The following MCMBP variants were observed in gnomAD, a reference collection of about 807,000 sequenced individuals.
The protein encoded by MCMBP is mini-chromosome maintenance complex-binding protein.
MCMBP carries 31 observed loss-of-function variants against 81.3 expected under a neutral mutation model. That is an observed-to-expected ratio of 0.38 (90% CI 0.29 to 0.51). MCMBP has a LOEUF of 0.51. MCMBP is among the 20% of genes least tolerant of loss of function. MCMBP has a pLI of 0.87. For missense variants in MCMBP, 645 were observed against 772.1 expected (o/e 0.84, Z 1.95); for synonymous variants, 267 against 275.9 (o/e 0.97, Z 0.32).
At chr10:119,864,564 G>C (rs1239422800) in intron 1 of MCMBP, among the ~76,000 whole-genome samples, 3 of 138,332 alleles carry the variant, frequency 2.2e-5, no homozygotes, top group African/African-American at 7.5e-5. Flanking sequence ...AGTATGGCTA[G>C]AGGTTTACAA....
At chr10:119,863,869 T>C (rs1043881625) in intron 1 of MCMBP, among the ~76,000 whole-genome samples, 3 of 151,604 alleles carry the variant, frequency 2.0e-5, no homozygotes, top group African/African-American at 7.3e-5. Context: ...TTGGATAGTT[T>C]GTGGCTGTGA....
In MCMBP at chr10:119,843,121, G is replaced by T. The variant is rs551641627; in HGVS notation, c.1000+133C>A. ...AAGAGAAAAATGGGGCAACGAGAGA[G>T]AGATTACTGAAAACACTTATTGTGA... On this transcript the variant is annotated intron_variant, in intron 9 of 15. Coordinates refer to ENST00000369077, the MANE Select transcript of MCMBP (RefSeq NM_001256378.2). 1.5e-5 allele frequency: 15 copies of T among 983,090 alleles called. No homozygotes were observed. The South Asian group carries it at 2.0e-4, about 13-fold the overall frequency. 60.9% of individuals were successfully genotyped at this position (983,090 alleles called of 1,614,324 possible). A position where few individuals can be genotyped will look rare whatever the true frequency, so the allele number is the denominator to read the frequency against.
At chr10:119,872,184 G>C (rs1853701801) in intron 1 of MCMBP, among the ~76,000 whole-genome samples, 1 of 152,136 alleles carries the variant, frequency 6.6e-6, no homozygotes, top group Non-Finnish European at 1.5e-5. Context: ...GGACCTCCGA[G>C]TTTGCTGCGC....
At chr10:119,863,661 G>A (rs528848850) in intron 1 of MCMBP, among the ~76,000 whole-genome samples, 3 of 130,864 alleles carry the variant, frequency 2.3e-5, no homozygotes, top group African/African-American at 5.8e-5. Flanking sequence ...CCCAGGAGGC[G>A]GAGGTTTCAG....
rs191224070 is a variant in MCMBP, at chr10:119,867,473, C to T, written c.58+5054G>A. 1.5e-4 allele frequency among the ~76,000 whole-genome samples: 23 copies of T among 152,094 alleles called. No individual in the cohort carries two copies. The East Asian group carries it at 3.9e-3, about 26-fold the overall frequency. ...CGGAGCTATTCTTCTTCTTTGAGAACGCCCCCAATGTTGAGGTGTGGATAA... is the reference window on the plus strand; with the variant it reads ...CGGAGCTATTCTTCTTCTTTGAGAATGCCCCCAATGTTGAGGTGTGGATAA... On this transcript the variant is annotated intron_variant, in intron 1 of 15. Transcript: ENST00000369077.
At chr10:119,853,372 G>A (rs969643893) in intron 5 of MCMBP, among the ~76,000 whole-genome samples, 178 bp from the exon 6 acceptor site, 3 of 152,208 alleles carry the variant, frequency 2.0e-5, no homozygotes, top group Admixed American at 2.0e-4. Context: ...TCAACCTTAT[G>A]CTGCTATCCT....
intron 1 of MCMBP, among the ~76,000 whole-genome samples, chr10:119,872,269 G>A (rs1407936313): frequency 2.0e-5 from 3 of 151,790 alleles, no homozygotes; most frequent in Non-Finnish European, 2.9e-5. Context: ...CACAGCCCGC[G>A]CCCCACGACT....
At chr10:119,866,608 A>G (rs1853464888) in intron 1 of MCMBP, among the ~76,000 whole-genome samples, 1 of 152,180 alleles carries the variant, frequency 6.6e-6, no homozygotes, top group Non-Finnish European at 1.5e-5. Context: ...CCTGGGCAAC[A>G]GAGTGAGACT....
rs531767116 is a variant in MCMBP, at chr10:119,871,553, T to C, written c.58+974A>G. Reference sequence around the variant, plus strand: ...GCACTAGAGGCCCTCCTATAAGAAATACCATACATTGTTTGCCGTCGATTT... The same window carrying C: ...GCACTAGAGGCCCTCCTATAAGAAACACCATACATTGTTTGCCGTCGATTT... On this transcript the variant is annotated intron_variant, in intron 1 of 15. Coordinates refer to ENST00000369077, the MANE Select transcript of MCMBP (RefSeq NM_001256378.2). Among the ~76,000 whole-genome samples the C allele has an allele frequency of 4.6e-5, 7 of 152,262 alleles. No homozygotes were observed. The South Asian group carries it at 1.5e-3, about 32-fold the overall frequency.
In MCMBP at chr10:119,830,408, G is replaced by C. The variant is rs796665366; in HGVS notation, c.*1066C>G. On this transcript the variant is annotated 3_prime_UTR_variant, in exon 16 of 16. Transcript: ENST00000369077. The stretch of plus-strand genomic sequence containing the variant: ...AACCTACCTGCAGTTGTACGAGGCT[G>C]TTACTGGAGTAGCAGATGTTAGCTG... 9.8e-5 allele frequency: 15 copies of C among 152,316 alleles called. No individual in the cohort carries two copies. The highest frequency in any genetic ancestry group is 3.6e-4 in the African/African-American group (15 of 41,566). 9.4% of individuals were successfully genotyped at this position (152,316 alleles called of 1,614,324 possible).
Position 119,849,566 on chromosome 10 carries a change from A to G in MCMBP, c.585T>C (p.Gly195=), listed in dbSNP as rs1302322337. 6 of 1,578,946 alleles carry G rather than the reference A, an allele frequency of 3.8e-6. No homozygotes were observed. Among genetic ancestry groups the G allele is most frequent in the Non-Finnish European group, 5.1e-6 (6 of 1,169,978 alleles). ...TTGGCTCTCCACACCATTGAAGACC[A>G]CCAACACTCCCTAAATTCAAAGGAT... ...HAGARQAGSV[G]GLQWCGEPKR... Residue 195 remains glycine (G), a synonymous_variant, in exon 7 of 16, where the codon GGT becomes GGC. Coordinates refer to ENST00000369077, the MANE Select transcript of MCMBP (RefSeq NM_001256378.2).
intron 1 of MCMBP, 84 bp from the exon 2 acceptor site, chr10:119,859,968 T>C (rs1324033656): frequency 9.7e-7 from 1 of 1,028,622 alleles, no homozygotes; most frequent in Non-Finnish European, 1.4e-6. Flanking sequence ...CACAATAGTT[T>C]AGTCAGCAAA....
chr10:119,867,481 A>G (rs546917826), intron 1 of MCMBP, among the ~76,000 whole-genome samples: 3 of 151,932 alleles, frequency 2.0e-5, no homozygotes, highest in Non-Finnish European at 4.4e-5. Flanking sequence ...AACGCCCCCA[A>G]TGTTGAGGTG....
chr10:119,855,192 G>C (rs1020393130), intron 5 of MCMBP, among the ~76,000 whole-genome samples: 1 of 152,016 alleles, frequency 6.6e-6, no homozygotes, highest in Non-Finnish European at 1.5e-5. Context: ...CAAGGGCGAA[G>C]GATCAAAGAA....
chr10:119,848,668 A>C (rs1852705798), intron 7 of MCMBP, among the ~76,000 whole-genome samples: 1 of 152,194 alleles, frequency 6.6e-6, no homozygotes, highest in South Asian at 2.1e-4. Context: ...CACAAAGAAT[A>C]AGGATAGAAA....
intron 1 of MCMBP, among the ~76,000 whole-genome samples, chr10:119,863,396 AAT>A (rs1853329836): frequency 6.6e-6 from 1 of 152,194 alleles, no homozygotes; most frequent in Non-Finnish European, 1.5e-5. Flanking sequence ...TGATGAAAAG[AAT>A]ATCCTTTTTC....
At chr10:119,857,145 T>C (rs529504804) in intron 5 of MCMBP, among the ~76,000 whole-genome samples, 193 bp downstream of exon 5, 76 of 151,802 alleles carry the variant, frequency 5.0e-4, no homozygotes, top group African/African-American at 1.8e-3. Flanking sequence ...TTTAACAGTA[T>C]TTCACTATAG....
chr10:119,835,533 G>T lies in MCMBP; in HGVS notation c.1707+7C>A, dbSNP rs369036786. On this transcript the variant is annotated splice_region_variant and intron_variant, in intron 14 of 15. Coordinates refer to ENST00000369077, the MANE Select transcript of MCMBP (RefSeq NM_001256378.2). ...CAGGGAAATCCTTTATTTTAACCTAGACATACCTTGGTTATTTCATCAGAT... is the reference window on the plus strand; with the variant it reads ...CAGGGAAATCCTTTATTTTAACCTATACATACCTTGGTTATTTCATCAGAT... 2.0e-5 allele frequency: 33 copies of T among 1,610,796 alleles called. No individual in the cohort carries two copies. Among genetic ancestry groups the T allele is most frequent in the Non-Finnish European group, 4.2e-6 (5 of 1,177,494 alleles).
At chr10:119,850,473 G>T (rs1284323445) in intron 6 of MCMBP, among the ~76,000 whole-genome samples, 1 of 152,182 alleles carries the variant, frequency 6.6e-6, no homozygotes, top group Non-Finnish European at 1.5e-5. Flanking sequence ...GAACAGGCCA[G>T]GTGCAGTGGC....
Sources: gnomAD v4.1 joint callset for allele counts (sites outside exome capture counted in the v4.1 genomes callset) on GRCh38, gnomAD v4.1.1 for gene constraint, MANE v1.5 for transcripts, NCBI Gene and HGNC (gene_info 2026-07-23, HGNC 2026-07-21) for gene names.